GLB1: variants seen among roughly 807,000 people sequenced by gnomAD.
GLB1 encodes the protein galactosidase beta 1, also known as beta-galactosidase.
In GLB1, 56 loss-of-function variants were observed where a neutral mutation model predicts 74.0. The observed-to-expected ratio is 0.76, with a 90% CI of 0.61 to 0.94. The LOEUF is 0.94. GLB1 is among the 40% of genes least tolerant of loss of function. The pLI, the probability that GLB1 is intolerant of heterozygous loss-of-function variation, is 0.00. For missense variants in GLB1, 787 were observed against 845.5 expected, an observed-to-expected ratio of 0.93 and a Z score of 0.86; for synonymous variants, 323 against 323.6, an observed-to-expected ratio of 1.00 and a Z score of 0.02.
the GLB1 span, among the ~76,000 whole-genome samples, chr3:32,988,102 C>G: frequency 2.1e-5 from 3 of 143,344 alleles, no homozygotes; most frequent in East Asian, 6.4e-4. Flanking sequence ...AGGAGAATTG[C>G]TTGAACCCAG....
At chr3:33,071,169 G>A (rs531351135) in intron 2 of GLB1, among the ~76,000 whole-genome samples, 4 of 152,186 alleles carry the variant, frequency 2.6e-5, no homozygotes, top group Admixed American at 6.5e-5. Flanking sequence ...GTCATTTTGC[G>A]TGTGTGTGAT....
intron 10 of GLB1, among the ~76,000 whole-genome samples, chr3:33,041,673 AAAAG>A (rs1198674617): frequency 3.8e-4 from 58 of 151,994 alleles, no homozygotes; most frequent in South Asian, 8.3e-4. Flanking sequence ...AAAAAAAAAA[AAAAG>A]AAAGAAAGAA....
intron 15 of GLB1, among the ~76,000 whole-genome samples, chr3:33,004,307 T>C (rs1696700664): frequency 6.6e-6 from 1 of 152,198 alleles, no homozygotes. Flanking sequence ...CAGGTGGTCA[T>C]GCCCAGCTGA....
chr3:33,046,353 G>A, intron 9 of GLB1, 121 bp from the exon 10 acceptor site: 1 of 1,140,992 alleles, frequency 8.8e-7, no homozygotes, highest in East Asian at 2.6e-5. Context: ...AAAACCACTT[G>A]TTGGGAGACA....
rs1700149690 is a variant in GLB1, at chr3:33,077,325, G to C, written c.76-4612C>G. On this transcript the variant is annotated intron_variant, in intron 1 of 15. Transcript: ENST00000307363. ...AGGATTAAGAGGCATACACCACTTAGTAAACTAATGAAAGCCTGTTGTGAA... is the reference window on the plus strand; with the variant it reads ...AGGATTAAGAGGCATACACCACTTACTAAACTAATGAAAGCCTGTTGTGAA... The C allele has an allele frequency of 1.5e-5, 23 of 1,550,506 alleles. No individual in the cohort carries two copies. In the South Asian group the frequency reaches 2.5e-4, roughly 17 times the overall value.
intron 12 of GLB1, chr3:33,021,247 T>C: frequency 2.5e-6 from 1 of 398,864 alleles, no homozygotes. Flanking sequence ...ACAGTGATCT[T>C]CCACTGATGC....
intron 10 of GLB1, among the ~76,000 whole-genome samples, chr3:33,042,900 C>T (rs949988068): frequency 6.6e-6 from 1 of 152,170 alleles, no homozygotes; most frequent in Non-Finnish European, 1.5e-5. Context: ...CAACCTGGCG[C>T]ATGCAGAGTA....
At chr3:33,071,131 A>G (rs1048455380) in intron 2 of GLB1, among the ~76,000 whole-genome samples, 10 of 152,152 alleles carry the variant, frequency 6.6e-5, no homozygotes, top group Non-Finnish European at 1.5e-4. Flanking sequence ...TTACCATCAC[A>G]AAGCTCTCTT....
chr3:33,072,930 G>A (rs1006840245), intron 1 of GLB1, among the ~76,000 whole-genome samples: 1 of 152,116 alleles, frequency 6.6e-6, no homozygotes, highest in Non-Finnish European at 1.5e-5. Context: ...CCACATGCAG[G>A]ATTCCATAAG....
At chr3:33,004,179 C>T (rs181041932) in intron 15 of GLB1, among the ~76,000 whole-genome samples, 1 of 152,150 alleles carries the variant, frequency 6.6e-6, no homozygotes, top group African/African-American at 2.4e-5. Context: ...TTCTTTGAAC[C>T]CTGCTCAGTC....
chr3:32,971,338 A>G, the GLB1 span, among the ~76,000 whole-genome samples: 2 of 152,222 alleles, frequency 1.3e-5, no homozygotes, highest in South Asian at 2.1e-4. Flanking sequence ...AAGGACTCAA[A>G]TGCATCCAAC....
At chr3:33,002,349 C>CTCCCTCCG (rs565676769) in intron 15 of GLB1, among the ~76,000 whole-genome samples, 2 of 123,096 alleles carry the variant, frequency 1.6e-5, no homozygotes, top group Non-Finnish European at 3.5e-5. Flanking sequence ...CCCTCCCTCC[C>CTCCCTCCG]TTCCTTCCTT....
rs373882407 is a variant in GLB1 at position 33,021,347 on chromosome 3, T to C, written c.1233+219A>G. The C allele has an allele frequency of 9.9e-5, 59 of 594,198 alleles. No homozygotes were observed. In the African/African-American group the frequency reaches 1.0e-3, roughly 10 times the overall value. The allele number at this position is 594,198 out of a possible 1,614,324, so 36.8% of individuals were successfully genotyped here. On this transcript the variant is annotated intron_variant, in intron 12 of 15. Coordinates refer to ENST00000307363, the MANE Select transcript of GLB1 (RefSeq NM_000404.4). Reference sequence around the variant, plus strand: ...GAAGCAGGTTGGGCTACCTCCTGTATGAGTGAGAAGAAGTGGGGCAAAAAA... The same window carrying C: ...GAAGCAGGTTGGGCTACCTCCTGTACGAGTGAGAAGAAGTGGGGCAAAAAA...
At chr3:32,966,363 C>A in the GLB1 span, among the ~76,000 whole-genome samples, 1 of 152,260 alleles carries the variant, frequency 6.6e-6, no homozygotes, top group Admixed American at 6.5e-5. Flanking sequence ...TACTGACTGC[C>A]CTATTGGGTT....
intron 15 of GLB1, among the ~76,000 whole-genome samples, chr3:33,005,174 C>T (rs1348572150): frequency 2.0e-5 from 3 of 151,982 alleles, no homozygotes; most frequent in South Asian, 2.1e-4. Flanking sequence ...CCTAAGTCGC[C>T]TCATTAGCAC....
rs575202375 is a variant in GLB1, at chr3:33,016,882, G to A, written c.1348-42C>T. On this transcript the variant is annotated intron_variant, in intron 13 of 15. Transcript: ENST00000307363. ...CAAATGACAATTGAATTGAGGGTAA[G>A]AAGGTCAGCAAGGAGAGGCAGCATG... is the stretch of plus-strand genomic sequence containing the variant. 2.2e-5 allele frequency: 36 copies of A among 1,610,018 alleles called. No individual in the cohort carries two copies. In the South Asian group the frequency reaches 3.4e-4, roughly 15 times the overall value.
chr3:33,026,161 C>T (rs1427676312), intron 10 of GLB1, among the ~76,000 whole-genome samples: 1 of 148,948 alleles, frequency 6.7e-6, no homozygotes, highest in Non-Finnish European at 1.5e-5. Flanking sequence ...TCTCTGCACT[C>T]TTGGGGATCC....
intron 10 of GLB1, chr3:33,034,267 AG>A: frequency 1.4e-6 from 1 of 694,726 alleles, no homozygotes; most frequent in Non-Finnish European, 2.7e-6. Flanking sequence ...TGACTTATAC[AG>A]GGGAAGGCCA....
the GLB1 span, among the ~76,000 whole-genome samples, chr3:32,965,582 A>G: frequency 2.6e-5 from 4 of 152,218 alleles, no homozygotes; most frequent in Admixed American, 2.6e-4. Context: ...GAAAAGAAAA[A>G]AAAAACATTT....
Sources: allele counts gnomAD v4.1 joint callset (sites outside exome capture counted in the v4.1 genomes callset), GRCh38; gene constraint gnomAD v4.1.1; transcripts MANE v1.5; gene names NCBI Gene and HGNC (gene_info 2026-07-23, HGNC 2026-07-21).